LVRN: variants seen among roughly 807,000 people sequenced by gnomAD.
LVRN encodes laeverin.
LVRN carries 99 observed loss-of-function variants against 111.4 expected under a neutral mutation model. The observed-to-expected ratio is 0.89, with a 90% CI of 0.76 to 1.05. The LOEUF is 1.05. LVRN is among the 50% of genes least tolerant of loss of function. The pLI is 0.00. For synonymous variants in LVRN, 488 were observed against 449.5 expected (o/e 1.09, Z -1.08); for missense variants, 1,414 against 1,206.8 (o/e 1.17, Z -2.54).
intron 3 of LVRN, among the ~76,000 whole-genome samples, 197 bp from the exon 4 acceptor site, chr5:115,987,616 G>C (rs889986981): frequency 1.3e-5 from 2 of 152,106 alleles, no homozygotes; most frequent in Non-Finnish European, 2.9e-5. Context: ...ACACTTTCGG[G>C]GGAATCACTG....
At position 116,022,424 on chromosome 5, in the gene LVRN, T is replaced by C. The variant is rs1273850758; in HGVS notation, c.2790T>C (p.Tyr930=). 1.9e-6 allele frequency: 3 copies of C among 1,570,404 alleles called. No individual in the cohort carries two copies. The highest frequency in any genetic ancestry group is 4.6e-5 in the East Asian group (2 of 43,950). The change falls in exon 19 of 20, where the codon TAT becomes TAC. Residue 930 remains tyrosine (Y), a synonymous_variant. Coordinates refer to ENST00000357872, the MANE Select transcript of LVRN (RefSeq NM_173800.5). ...YGTQSLINLI[Y]TIGRTVTTDL... ...CACAATCATTGATTAATCTAATATA[T>C]ACAATAGGGAGAACCGTAACTACAG...
intron 1 of LVRN, among the ~76,000 whole-genome samples, chr5:115,963,661 GA>G (rs1753141121): frequency 6.6e-6 from 1 of 152,126 alleles, no homozygotes; most frequent in Non-Finnish European, 1.5e-5. Flanking sequence ...TGAACAATGA[GA>G]ACACTTGGAC....
intron 3 of LVRN, among the ~76,000 whole-genome samples, chr5:115,986,685 A>G (rs1340090148): frequency 6.6e-6 from 1 of 152,216 alleles, no homozygotes; most frequent in Non-Finnish European, 1.5e-5. Flanking sequence ...TAAGTAACAG[A>G]TAAAGATTTC....
At chr5:116,016,536 G>A (rs1282118860) in intron 18 of LVRN, among the ~76,000 whole-genome samples, 1 of 152,186 alleles carries the variant, frequency 6.6e-6, no homozygotes, top group Non-Finnish European at 1.5e-5. Flanking sequence ...TCCACTGCAT[G>A]CTACTTACGA....
chr5:116,021,426 A>G (rs1183582089), intron 18 of LVRN: 1 of 152,574 alleles, frequency 6.6e-6, no homozygotes, highest in Non-Finnish European at 1.5e-5. Context: ...TTCTTTCTTC[A>G]TAGAAACAGT....
At chr5:115,964,843 G>T (rs930461254) in intron 1 of LVRN, among the ~76,000 whole-genome samples, 1 of 152,228 alleles carries the variant, frequency 6.6e-6, no homozygotes, top group South Asian at 2.1e-4. Context: ...CCAAGGTAGA[G>T]CTCCAAAATT....
chr5:115,995,609 G>A (rs1748091296), intron 6 of LVRN: 1 of 152,216 alleles, frequency 6.6e-6, no homozygotes, highest in African/African-American at 2.4e-5. Context: ...CCAGCTGTCT[G>A]GGTCTAGTCT....
Position 115,991,070 on chromosome 5 carries a change from C to T in LVRN, c.1106-1053C>T, listed in dbSNP as rs75883291. Among the ~76,000 whole-genome samples the T allele has an allele frequency of 6.8e-4, 104 of 152,154 alleles. No individual in the cohort carries two copies. The East Asian group carries it at 0.013, about 19-fold the overall frequency. On this transcript the variant is annotated intron_variant, in intron 4 of 19. Transcript: ENST00000357872. ...TTATTAACTAACCTCCCTAGTTTAT[C>T]TTAGGGTTCAGTTTTTGCATTGTAC...
At chr5:116,018,731 T>G (rs1748653195) in intron 18 of LVRN, among the ~76,000 whole-genome samples, 1 of 152,198 alleles carries the variant, frequency 6.6e-6, no homozygotes, top group South Asian at 2.1e-4. Flanking sequence ...CAAGATTTGT[T>G]CAAATATTTT....
chr5:116,018,230 A>G (rs1748641271), intron 18 of LVRN, among the ~76,000 whole-genome samples: 1 of 152,274 alleles, frequency 6.6e-6, no homozygotes, highest in African/African-American at 2.4e-5. Context: ...CCTAGTAAAC[A>G]AAAGAACTTG....
rs774920753 is a variant in LVRN, at chr5:115,963,034, G to C, written c.417G>C (p.Val139=). 5.8e-5 allele frequency: 94 copies of C among 1,613,606 alleles called. No individual in the cohort carries two copies. In the Middle Eastern group the frequency reaches 6.6e-4, roughly 11 times the overall value. ...GRVNITVRCT[V]ATSRLLLHSL... is the part of the protein sequence containing the mutation. Reference sequence around the variant, plus strand: ...TGAACATCACGGTGCGCTGCACGGTGGCCACCTCTCGACTGCTGCTGCATA... The same window carrying C: ...TGAACATCACGGTGCGCTGCACGGTCGCCACCTCTCGACTGCTGCTGCATA... The change falls in exon 1 of 20, where the codon GTG becomes GTC. Residue 139 remains valine, a synonymous_variant. Transcript: ENST00000357872.
In LVRN at chr5:116,015,695, G is replaced by C; in HGVS notation, c.2686G>C (p.Ala896Pro). 1 of 1,613,302 alleles carries C rather than the reference G, an allele frequency of 6.2e-7. No individual in the cohort carries two copies. Among genetic ancestry groups the C allele is most frequent in the Non-Finnish European group, 8.5e-7 (1 of 1,179,548 alleles). Residue 896 changes from alanine to proline, a missense_variant, in exon 18 of 20, where the codon GCT (alanine) becomes CCT (proline). Physicochemically the swap from Ala to Pro is conservative, Grantham distance 27. Transcript: ENST00000357872. ...SNETNIIEVV[A>P]SSEVGRYVAK... Reference sequence around the variant, plus strand: ...TGAAACAAATATAATTGAGGTTGTGGCTTCATCTGAAGTTGGCCGGTATGT... The same window carrying C: ...TGAAACAAATATAATTGAGGTTGTGCCTTCATCTGAAGTTGGCCGGTATGT...
At chr5:116,020,898 C>T (rs780857127) in intron 18 of LVRN, 1 of 152,184 alleles carries the variant, frequency 6.6e-6, no homozygotes, top group Non-Finnish European at 1.5e-5. Context: ...GAAAGGATTA[C>T]TATATTGAGT....
In LVRN at chr5:115,974,780, A is replaced by G. The variant is rs145022525; in HGVS notation, c.696-8507A>G. 893 of 230,362 alleles carry G rather than the reference A, an allele frequency of 3.9e-3. 14 individuals carry two copies. The highest frequency in any genetic ancestry group is 0.019 in the African/African-American group (844 of 43,630). 14.3% of individuals were successfully genotyped at this position (230,362 alleles called of 1,614,324 possible). On this transcript the variant is annotated intron_variant, in intron 1 of 19. Transcript: ENST00000357872. ...GAAAATTGTAATTATAGATATCTGTAATATCATGGACATCAAGACCTCAGG... is the reference window on the plus strand; with the variant it reads ...GAAAATTGTAATTATAGATATCTGTGATATCATGGACATCAAGACCTCAGG...
chr5:115,972,753 T>C (rs1027495994), intron 1 of LVRN, among the ~76,000 whole-genome samples: 34 of 152,244 alleles, frequency 2.2e-4, no homozygotes, highest in Non-Finnish European at 4.3e-4. Context: ...TAGATTCTTT[T>C]CATTAGGTTG....
rs1748572455 is a variant in LVRN at position 116,015,146 on chromosome 5, A to G, written c.2451-106A>G. ...CTCTAGATTCCTACTTTTGACCTTT[A>G]TATCTGTGACTATAAATATTTTTTC... On this transcript the variant is annotated intron_variant, in intron 16 of 19. Transcript: ENST00000357872. 7.2e-6 allele frequency: 6 copies of G among 834,446 alleles called. No homozygotes were observed. The South Asian group carries it at 9.4e-5, about 13-fold the overall frequency. 51.7% of individuals were successfully genotyped at this position (834,446 alleles called of 1,614,324 possible).
chr5:115,992,246 C>G lies in LVRN; in HGVS notation c.1229C>G (p.Ser410Cys). Reference sequence around the variant, plus strand: ...CTGACAGAAAAAAAGACTCTGATCTCCTATGTTGTCTCCCACGAGATTGGA... The same window carrying G: ...CTGACAGAAAAAAAGACTCTGATCTGCTATGTTGTCTCCCACGAGATTGGA... ...DQLTEKKTLI[S>C]YVVSHEIGHQ... The change falls in exon 5 of 20, where the codon TCC becomes TGC. Residue 410 changes from serine (S) to cysteine (C), a missense_variant. Transcript: ENST00000357872. The G allele has an allele frequency of 6.2e-7, 1 of 1,613,858 alleles. No individual in the cohort carries two copies. The highest frequency in any genetic ancestry group is 8.5e-7 in the Non-Finnish European group (1 of 1,179,884).
chr5:115,966,934 T>C, intron 1 of LVRN, among the ~76,000 whole-genome samples: 1 of 152,210 alleles, frequency 6.6e-6, no homozygotes, highest in East Asian at 1.9e-4. Context: ...ATTTGCCATC[T>C]GTATATCAGT....
intron 6 of LVRN, among the ~76,000 whole-genome samples, chr5:115,997,029 G>A (rs540949773): frequency 2.0e-5 from 3 of 152,174 alleles, no homozygotes; most frequent in South Asian, 4.2e-4. Flanking sequence ...AATCCTCAGG[G>A]CAATTCTGAA....
Sources: allele counts gnomAD v4.1 joint callset (sites outside exome capture counted in the v4.1 genomes callset), GRCh38; gene constraint gnomAD v4.1.1; transcripts MANE v1.5; gene names NCBI Gene and HGNC (gene_info 2026-07-23, HGNC 2026-07-21).